Variants in TYW1B observed in about 807,000 individuals in gnomAD.
The protein encoded by TYW1B is tRNA-yW synthesizing protein 1 homolog B.
In TYW1B, 73 loss-of-function variants were observed where a neutral mutation model predicts 86.9. That is an observed-to-expected ratio of 0.84 (90% CI 0.70 to 1.02). The LOEUF is 1.02. TYW1B is among the 50% of genes least tolerant of loss of function. The probability of loss-of-function intolerance (pLI) is 0.00; values close to 1 mark genes in which losing one functional copy is unlikely to be tolerated. For synonymous variants in TYW1B, 248 were observed against 292.8 expected, an observed-to-expected ratio of 0.85 and a Z score of 1.56; for missense variants, 637 against 827.4, an observed-to-expected ratio of 0.77 and a Z score of 2.82.
At chr7:72,650,689 C>T (rs1395869060) in intron 11 of TYW1B, among the ~76,000 whole-genome samples, 1 of 152,138 alleles carries the variant, frequency 6.6e-6, no homozygotes, top group African/African-American at 2.4e-5. Flanking sequence ...TTGGACCTAG[C>T]TGCCTGTTAG....
intron 6 of TYW1B, among the ~76,000 whole-genome samples, chr7:72,793,167 C>T (rs1380371816): frequency 1.3e-5 from 2 of 151,538 alleles, no homozygotes; most frequent in African/African-American, 4.8e-5. Flanking sequence ...GGCAAAACCC[C>T]GTCTATACTA....
chr7:72,813,844 A>G (rs1788670020), intron 3 of TYW1B, among the ~76,000 whole-genome samples: 1 of 151,930 alleles, frequency 6.6e-6, no homozygotes, highest in Non-Finnish European at 1.5e-5. Flanking sequence ...ATGAAACCCC[A>G]TGTCTGTTAA....
chr7:72,658,411 C>G (rs1813256138), intron 11 of TYW1B, among the ~76,000 whole-genome samples: 1 of 152,022 alleles, frequency 6.6e-6, no homozygotes, highest in Non-Finnish European at 1.5e-5. Flanking sequence ...AGGCAGTATG[C>G]AAAGCACGAT....
chr7:72,778,282 C>A (rs1554470996), intron 6 of TYW1B, among the ~76,000 whole-genome samples: 1 of 152,108 alleles, frequency 6.6e-6, no homozygotes, highest in Non-Finnish European at 1.5e-5. Flanking sequence ...AAAATCACAA[C>A]ACAACACCTG....
intron 11 of TYW1B, among the ~76,000 whole-genome samples, chr7:72,632,388 G>GTATATATATAATATATATATATACA (rs1563038697): frequency 1.4e-5 from 1 of 70,328 alleles, no homozygotes; most frequent in East Asian, 3.9e-4. Context: ...ATATATATAC[G>GTATATATATAATATATATATATACA]TATATATATA....
chr7:72,707,376 C>T (rs1814638588), intron 10 of TYW1B, among the ~76,000 whole-genome samples: 1 of 152,236 alleles, frequency 6.6e-6, no homozygotes. Context: ...CAAAGTCACC[C>T]AAGACCAAAA....
chr7:72,718,426 C>T (rs377674358), intron 9 of TYW1B, among the ~76,000 whole-genome samples: 1 of 151,976 alleles, frequency 6.6e-6, no homozygotes, highest in African/African-American at 2.4e-5. Flanking sequence ...CACAATACAC[C>T]GATGTAAATA....
chr7:72,733,719 G>C (rs1242046257), intron 8 of TYW1B, among the ~76,000 whole-genome samples: 2 of 151,920 alleles, frequency 1.3e-5, no homozygotes, highest in African/African-American at 4.8e-5. Context: ...AAATTGAAGA[G>C]AGCACACACA....
At chr7:72,750,075 AT>A (rs36077026) in intron 7 of TYW1B, among the ~76,000 whole-genome samples, 3 of 149,904 alleles carry the variant, frequency 2.0e-5, no homozygotes, top group Non-Finnish European at 4.5e-5. Context: ...TATGTGTATA[AT>A]TTTTTTTTGA....
chr7:72,626,337 T>C (rs1485113990), intron 12 of TYW1B, among the ~76,000 whole-genome samples: 2 of 151,724 alleles, frequency 1.3e-5, no homozygotes, highest in Middle Eastern at 3.4e-3. Context: ...TGAGCAGAGT[T>C]GGCTTTCCCA....
intron 11 of TYW1B, among the ~76,000 whole-genome samples, chr7:72,635,554 G>A (rs1411068511): frequency 6.6e-6 from 1 of 152,128 alleles, no homozygotes; most frequent in Non-Finnish European, 1.5e-5. Flanking sequence ...CTAAAATGTC[G>A]ATGGTGCCAA....
intron 6 of TYW1B, among the ~76,000 whole-genome samples, chr7:72,789,413 G>A (rs1788182230): frequency 6.6e-6 from 1 of 152,172 alleles, no homozygotes. Flanking sequence ...TGGGATGATA[G>A]GCATGAGCCA....
chr7:72,750,886 T>A lies in TYW1B; in HGVS notation c.965-6285A>T, dbSNP rs61189246. 6.0e-3 allele frequency among the ~76,000 whole-genome samples: 920 copies of A among 152,310 alleles called. 7 individuals carry two copies. Among genetic ancestry groups the A allele is most frequent in the African/African-American group, 0.021 (860 of 41,570 alleles). ...ATGAGTATTTCCTTTGATCATCATG[T>A]CAGTGCTCAAAACATTTTTAATTTT... On this transcript the variant is annotated intron_variant, in intron 7 of 13. Transcript: ENST00000620995.
chr7:72,643,878 A>ATT (rs1433356380), intron 11 of TYW1B, among the ~76,000 whole-genome samples: 2 of 152,182 alleles, frequency 1.3e-5, no homozygotes, highest in African/African-American at 4.8e-5. Context: ...AAGAGGCCCT[A>ATT]TTCTCCTTAC....
intron 7 of TYW1B, among the ~76,000 whole-genome samples, chr7:72,760,790 CT>C (rs1430767286): frequency 2.0e-5 from 3 of 152,162 alleles, no homozygotes; most frequent in African/African-American, 7.2e-5. Flanking sequence ...ATATTTGTCT[CT>C]ACTAGACATT....
At chr7:72,798,010 TACAC>T (rs781878514) in intron 6 of TYW1B, among the ~76,000 whole-genome samples, 24 of 62,820 alleles carry the variant, frequency 3.8e-4, no homozygotes, top group Admixed American at 7.5e-4. Context: ...TTTATATATA[TACAC>T]ACACACACAC....
At chr7:72,576,478 A>G (rs1243735916) in intron 13 of TYW1B, among the ~76,000 whole-genome samples, 1 of 151,212 alleles carries the variant, frequency 6.6e-6, no homozygotes, top group Non-Finnish European at 1.5e-5. Context: ...TACCTGACTC[A>G]TAAACAGACA....
At chr7:72,782,419 A>T (rs184982206) in intron 6 of TYW1B, among the ~76,000 whole-genome samples, 14 of 152,326 alleles carry the variant, frequency 9.2e-5, no homozygotes, top group Non-Finnish European at 1.9e-4. Flanking sequence ...TTTGCTGAAG[A>T]CTTTAAGGTA....
rs56806378 is a variant in TYW1B, at chr7:72,734,268, A to AAAACAAAAAAAAAAC, written c.1083-5338_1083-5337insGTTTTTTTTTTGTTT. On this transcript the variant is annotated intron_variant, in intron 8 of 13. Coordinates refer to ENST00000620995, the MANE Select transcript of TYW1B (RefSeq NM_001145440.3). The stretch of plus-strand genomic sequence containing the variant: ...TTAAAACTCCATCTCAAAAAAAAAA[A>AAAACAAAAAAAAAAC]ACACAACAAAAAAACTATAAACCTA... Among the ~76,000 whole-genome samples the AAAACAAAAAAAAAAC allele has an allele frequency of 5.1e-5, 5 of 98,160 alleles. No homozygotes were observed. In the East Asian group the frequency reaches 7.6e-4, roughly 15 times the overall value. 64.4% of individuals were successfully genotyped at this position (98,160 alleles called of 152,430 possible). A position where few individuals can be genotyped will look rare whatever the true frequency, so the allele number is the denominator to read the frequency against.
Sources: allele counts gnomAD v4.1 joint callset (sites outside exome capture counted in the v4.1 genomes callset), GRCh38; gene constraint gnomAD v4.1.1; transcripts MANE v1.5; gene names NCBI Gene and HGNC (gene_info 2026-07-23, HGNC 2026-07-21).